The following MICAL3 variants were observed in gnomAD, a reference collection of about 807,000 sequenced individuals.
MICAL3 encodes the protein microtubule associated monooxygenase, calponin and LIM domain containing 3, also known as [F-actin]-monooxygenase MICAL3.
A neutral mutation model predicts 207.4 loss-of-function variants in MICAL3; 62 were observed. The observed-to-expected ratio is 0.30, with a 90% CI of 0.24 to 0.37. MICAL3 has a LOEUF of 0.37. Ranked by LOEUF, MICAL3 falls within the 10% of genes least tolerant of loss-of-function variation. The pLI is 1.00. For missense variants in MICAL3, 2,368 were observed against 2,635.6 expected (o/e 0.90, Z 2.22); for synonymous variants, 1,077 against 1,069.3 (o/e 1.01, Z -0.14).
At chr22:17,980,770 A>G (rs1424721292) in intron 1 of MICAL3, 1 of 464,050 alleles carries the variant, frequency 2.2e-6, no homozygotes, top group South Asian at 1.5e-5. Context: ...CCGTCTTATC[A>G]TTCCGCGGCA....
intron 25 of MICAL3, among the ~76,000 whole-genome samples, chr22:17,820,943 T>C (rs1921551021): frequency 1.4e-5 from 2 of 142,324 alleles, no homozygotes; most frequent in Admixed American, 1.4e-4. Flanking sequence ...TAAATTTATG[T>C]TTATAAACAT....
At chr22:17,969,311 T>C (rs959218458) in intron 1 of MICAL3, among the ~76,000 whole-genome samples, 1 of 152,214 alleles carries the variant, frequency 6.6e-6, no homozygotes, top group Admixed American at 6.5e-5. Context: ...AGTGCTGGGA[T>C]TACAGGCATG....
intron 1 of MICAL3, among the ~76,000 whole-genome samples, chr22:17,936,619 A>G (rs1933544513): frequency 6.6e-6 from 1 of 152,106 alleles, no homozygotes; most frequent in Non-Finnish European, 1.5e-5. Context: ...GAAAGAGTTT[A>G]TATCTTGATT....
chr22:17,834,500 G>C (rs1923153352), intron 20 of MICAL3: 1 of 1,251,052 alleles, frequency 8.0e-7, no homozygotes, highest in Non-Finnish European at 1.0e-6. Flanking sequence ...TGGATCATTT[G>C]AGCCCAGGAG....
chr22:17,889,354 G>A, intron 12 of MICAL3, 124 bp from the exon 13 acceptor site: 1 of 623,462 alleles, frequency 1.6e-6, no homozygotes, highest in East Asian at 2.9e-5. Context: ...GTGCATCGCT[G>A]ACATTTGAGA....
At chr22:17,848,586 T>C (rs1053088991) in intron 19 of MICAL3, among the ~76,000 whole-genome samples, 5 of 152,198 alleles carry the variant, frequency 3.3e-5, no homozygotes, top group Admixed American at 2.0e-4. Flanking sequence ...GGAGATCCCA[T>C]TGGCAACATG....
intron 19 of MICAL3, among the ~76,000 whole-genome samples, chr22:17,846,663 G>A (rs548782771): frequency 4.6e-5 from 7 of 152,194 alleles, no homozygotes; most frequent in African/African-American, 1.7e-4. Context: ...AGTGCACCCC[G>A]CCTGTCGGGC....
At position 17,826,433 on chromosome 22, in the gene MICAL3, G is replaced by A. The variant is rs1185549432; in HGVS notation, c.3193+1211C>T. ...AGAGAGGTTACGGTGAGTGGGGAGA[G>A]AGTGAACATCACCAGACTACCTCCG... On this transcript the variant is annotated intron_variant, in intron 22 of 31. Coordinates refer to ENST00000441493, the MANE Select transcript of MICAL3 (RefSeq NM_015241.3). The A allele has an allele frequency of 8.1e-6, 8 of 984,360 alleles. No homozygotes were observed. The African/African-American group carries it at 1.4e-4, about 17-fold the overall frequency. The allele number at this position is 984,360 out of a possible 1,614,324, so 61.0% of individuals were successfully genotyped here. A position where few individuals can be genotyped will look rare whatever the true frequency, so the allele number is the denominator to read the frequency against.
chr22:17,987,293 G>A (rs898356984), intron 1 of MICAL3, among the ~76,000 whole-genome samples: 3 of 152,218 alleles, frequency 2.0e-5, no homozygotes, highest in African/African-American at 7.2e-5. Flanking sequence ...GACAGGCAAT[G>A]GAGGAGAGGA....
intron 16 of MICAL3, chr22:17,872,675 G>T: frequency 1.1e-6 from 1 of 934,378 alleles, no homozygotes. Flanking sequence ...AGCTATAAGT[G>T]ACTCAGCACA....
intron 1 of MICAL3, among the ~76,000 whole-genome samples, chr22:17,910,633 G>A (rs1932074336): frequency 6.6e-6 from 1 of 152,172 alleles, no homozygotes; most frequent in Non-Finnish European, 1.5e-5. Context: ...ATTCCCTTGG[G>A]CTGCCTCACT....
rs1930805324 is a variant in MICAL3, at chr22:17,896,137, T to C, written c.1322+109A>G. ...CTTTTCCACATGAAAACATCTTTAA[T>C]TAAGAAGGCAGAGAAAGAAGAAGGA... On this transcript the variant is annotated intron_variant, in intron 9 of 31. Coordinates refer to ENST00000441493, the MANE Select transcript of MICAL3 (RefSeq NM_015241.3). The C allele has an allele frequency of 8.2e-6, 5 of 606,538 alleles. No individual in the cohort carries two copies. The Middle Eastern group carries it at 7.8e-4, about 95-fold the overall frequency. The allele number at this position is 606,538 out of a possible 1,614,324, so 37.6% of individuals were successfully genotyped here. A position where few individuals can be genotyped will look rare whatever the true frequency, so the allele number is the denominator to read the frequency against.
intron 1 of MICAL3, among the ~76,000 whole-genome samples, chr22:17,971,811 C>CA (rs1440754329): frequency 6.6e-6 from 1 of 152,220 alleles, no homozygotes; most frequent in African/African-American, 2.4e-5. Flanking sequence ...AAGAGGTATC[C>CA]AGCCCGACCC....
intron 17 of MICAL3, among the ~76,000 whole-genome samples, chr22:17,869,962 T>TA (rs1170760500): frequency 2.0e-5 from 3 of 152,292 alleles, no homozygotes; most frequent in African/African-American, 7.2e-5. Context: ...CCTCTTCAGT[T>TA]AGACTTCTGA....
At chr22:17,880,175 T>C (rs1474377079) in intron 16 of MICAL3, among the ~76,000 whole-genome samples, 1 of 152,178 alleles carries the variant, frequency 6.6e-6, no homozygotes, top group East Asian at 1.9e-4. Context: ...GGCCAGAGCG[T>C]AGCCCCGGTC....
intron 1 of MICAL3, among the ~76,000 whole-genome samples, chr22:17,966,871 G>A (rs1458895054): frequency 6.9e-6 from 1 of 144,922 alleles, no homozygotes; most frequent in Non-Finnish European, 1.6e-5. Context: ...GAAAATTATT[G>A]GAGGTTAGGG....
intron 1 of MICAL3, among the ~76,000 whole-genome samples, chr22:17,999,282 G>A (rs1397946637): frequency 1.3e-5 from 2 of 152,136 alleles, no homozygotes; most frequent in Admixed American, 6.5e-5. Flanking sequence ...TCCTTTAAAG[G>A]GCAACACATG....
At chr22:17,931,684 T>G (rs942818356) in intron 1 of MICAL3, among the ~76,000 whole-genome samples, 13 of 152,184 alleles carry the variant, frequency 8.5e-5, no homozygotes, top group African/African-American at 3.1e-4. Context: ...AAGGGACATG[T>G]GGAGGAAGGG....
At chr22:18,019,725 G>T in intron 1 of MICAL3, 1 of 200,616 alleles carries the variant, frequency 5.0e-6, no homozygotes, top group Admixed American at 5.2e-5. Context: ...AAGAAAAAAA[G>T]GGTGATCAGG....
Sources: gnomAD v4.1 joint callset for allele counts (sites outside exome capture counted in the v4.1 genomes callset) on GRCh38, gnomAD v4.1.1 for gene constraint, MANE v1.5 for transcripts, NCBI Gene and HGNC (gene_info 2026-07-23, HGNC 2026-07-21) for gene names.